Variants in AGAP1 observed in about 807,000 individuals in gnomAD.
AGAP1 encodes the protein arf-GAP with GTPase, ANK repeat and PH domain-containing protein 1.
A neutral mutation model predicts 105.3 loss-of-function variants in AGAP1; 29 were observed. That is an observed-to-expected ratio of 0.28 (90% CI 0.21 to 0.38). The LOEUF (loss-of-function observed/expected upper bound fraction) is 0.38. AGAP1 is among the 10% of genes least tolerant of loss of function. The pLI is 1.00. For missense variants in AGAP1, 998 were observed against 1,165.1 expected, an observed-to-expected ratio of 0.86 and a Z score of 2.09; for synonymous variants, 509 against 485.9, an observed-to-expected ratio of 1.05 and a Z score of -0.63.
intron 1 of AGAP1, among the ~76,000 whole-genome samples, chr2:235,677,549 T>C (rs1287165032): frequency 2.0e-5 from 3 of 152,186 alleles, no homozygotes; most frequent in Admixed American, 2.0e-4. Context: ...AGATTTCACG[T>C]GACGTTGTGT....
chr2:236,116,390 C>G (rs1000849304), intron 16 of AGAP1, among the ~76,000 whole-genome samples: 1 of 121,482 alleles, frequency 8.2e-6, no homozygotes, highest in African/African-American at 3.0e-5. Flanking sequence ...TGCTCTGTCG[C>G]CCACGCTGGA....
At position 235,906,185 on chromosome 2, in the gene AGAP1, G is replaced by A. The variant is rs545079298; in HGVS notation, c.1156-2553G>A. ...GGCCAGTCACCAGCCTCGGGTGGCC[G>A]GGCACCTCTGCTCCCGGCCTCTGGG... On this transcript the variant is annotated intron_variant, in intron 10 of 17. Coordinates refer to ENST00000304032, the MANE Select transcript of AGAP1 (RefSeq NM_001037131.3). The surrounding 1 kb of genome is among the most constrained non-coding windows in gnomAD (Gnocchi z 5.3). 1.7e-4 allele frequency among the ~76,000 whole-genome samples: 26 copies of A among 152,274 alleles called. No individual in the cohort carries two copies. Among genetic ancestry groups the A allele is most frequent in the African/African-American group, 5.5e-4 (23 of 41,574 alleles).
intron 16 of AGAP1, among the ~76,000 whole-genome samples, chr2:236,059,278 T>C (rs1000673968): frequency 6.6e-6 from 1 of 152,016 alleles, no homozygotes; most frequent in African/African-American, 2.4e-5. Context: ...TACTTAGAAA[T>C]AAATTACCTG....
rs145043789 is a variant in AGAP1 at position 235,720,648 on chromosome 2, G to C, written c.310+3004G>C. On this transcript the variant is annotated intron_variant, in intron 3 of 17. Transcript: ENST00000304032. This position sits in a 1 kb window ranked among gnomAD's most constrained non-coding sequence, Gnocchi z 5.0. ...ATTTTGCTGTGTATCTGCCTGTCCA[G>C]ATAGTTCCTTGGATTCTCCCTGCGC... The C allele has an allele frequency of 3.2e-4, 311 of 985,324 alleles. 7 individuals are homozygous for C. In the East Asian group the frequency reaches 0.02, roughly 62 times the overall value. The allele number at this position is 985,324 out of a possible 1,614,324, so 61.0% of individuals were successfully genotyped here.
In AGAP1 at chr2:235,815,199, C is replaced by A. The variant is rs117085734; in HGVS notation, c.1050+7868C>A. Among the ~76,000 whole-genome samples the A allele has an allele frequency of 2.9e-3, 439 of 152,276 alleles. 2 individuals carry two copies. Among genetic ancestry groups the A allele is most frequent in the East Asian group, 0.02 (104 of 5,170 alleles). On this transcript the variant is annotated intron_variant, in intron 9 of 17. Transcript: ENST00000304032. ...CAGCGCATGAGTCCCCAGGGCTGCC[C>A]TAATGAAATCCTGCAGCCTGGGCGG...
At position 236,000,892 on chromosome 2, in the gene AGAP1, A is replaced by G. The variant is rs10196005; in HGVS notation, c.1645+32269A>G. Among the ~76,000 whole-genome samples the G allele has an allele frequency of 0.36, 54,298 of 152,052 alleles. 10,002 individuals carry two copies. Among genetic ancestry groups the G allele is most frequent in the South Asian group, 0.48 (2,305 of 4,822 alleles). On this transcript the variant is annotated intron_variant, in intron 13 of 17. Transcript: ENST00000304032. This position sits in a 1 kb window ranked among gnomAD's most constrained non-coding sequence, Gnocchi z 4.3. ...AGAAAGGGCCTGTGTGGAAGGAACCAGGGCCAAGCGAGGGAGGCAGATGCC... is the reference window on the plus strand; with the variant it reads ...AGAAAGGGCCTGTGTGGAAGGAACCGGGGCCAAGCGAGGGAGGCAGATGCC...
Position 235,879,151 on chromosome 2 carries a change from G to GTCC in AGAP1, c.1051-4192_1051-4190dup, listed in dbSNP as rs1165980739. The stretch of plus-strand genomic sequence containing the variant: ...CAAGACACTTCCCCTGTGTAACTCA[G>GTCC]TCCTGGCTTTCAGGGAGCCATGGCT... On this transcript the variant is annotated intron_variant, in intron 9 of 17. Coordinates refer to ENST00000304032, the MANE Select transcript of AGAP1 (RefSeq NM_001037131.3). This position sits in a 1 kb window ranked among gnomAD's most constrained non-coding sequence, Gnocchi z 5.0. Among the ~76,000 whole-genome samples, 8 of 152,354 alleles carry GTCC rather than the reference G, an allele frequency of 5.3e-5. No individual in the cohort carries two copies. Among genetic ancestry groups the GTCC allele is most frequent in the Admixed American group, 1.3e-4 (2 of 15,302 alleles).
At position 235,837,236 on chromosome 2, in the gene AGAP1, C is replaced by T. The variant is rs567282427; in HGVS notation, c.1050+29905C>T. Among the ~76,000 whole-genome samples the T allele has an allele frequency of 5.9e-5, 9 of 152,282 alleles. No individual in the cohort carries two copies. The South Asian group carries it at 1.7e-3, about 28-fold the overall frequency. ...CTGACCTCAGGTGATCCGCCCACCT[C>T]GGCCTCCCAAAGTGCTGGGATTATA... On this transcript the variant is annotated intron_variant, in intron 9 of 17. Coordinates refer to ENST00000304032, the MANE Select transcript of AGAP1 (RefSeq NM_001037131.3).
intron 1 of AGAP1, among the ~76,000 whole-genome samples, chr2:235,525,913 T>C (rs1942817267): frequency 1.7e-5 from 2 of 114,604 alleles, no homozygotes; most frequent in Admixed American, 1.7e-4. Context: ...TGTGGAGGAC[T>C]GATTTATAAA....
At chr2:235,947,004 T>C (rs78548336) in intron 12 of AGAP1, among the ~76,000 whole-genome samples, 311 of 152,354 alleles carry the variant, frequency 2.0e-3, no homozygotes, top group African/African-American at 7.1e-3. Flanking sequence ...CATCTACTCC[T>C]TCCTTTCCTT....
intron 1 of AGAP1, among the ~76,000 whole-genome samples, chr2:235,521,133 A>C (rs1360077991): frequency 6.6e-6 from 1 of 152,228 alleles, no homozygotes; most frequent in East Asian, 1.9e-4. Context: ...AGCTTCCAAC[A>C]GTGTGACCAC....
At chr2:235,913,968 C>CT (rs1299219167) in intron 11 of AGAP1, among the ~76,000 whole-genome samples, 1 of 150,700 alleles carries the variant, frequency 6.6e-6, no homozygotes, top group Non-Finnish European at 1.5e-5. Flanking sequence ...CAAAGTTCAG[C>CT]ATTTTTTTTT....
intron 1 of AGAP1, among the ~76,000 whole-genome samples, chr2:235,587,737 A>G (rs2149203655): frequency 6.8e-6 from 1 of 146,812 alleles, no homozygotes; most frequent in East Asian, 2.0e-4. Context: ...TCTGGGCAAC[A>G]AGAGCAAAAC....
chr2:235,779,180 T>G (rs539218451), intron 6 of AGAP1, among the ~76,000 whole-genome samples: 15 of 152,160 alleles, frequency 9.9e-5, no homozygotes, highest in Non-Finnish European at 1.6e-4. Flanking sequence ...AGTAACTTGA[T>G]GAGGAGCAGC....
At chr2:235,558,055 C>T (rs1185201113) in intron 1 of AGAP1, among the ~76,000 whole-genome samples, 1 of 152,138 alleles carries the variant, frequency 6.6e-6, no homozygotes, top group Non-Finnish European at 1.5e-5. Context: ...GGGAAGAGTA[C>T]CAGGCACGGG....
intron 15 of AGAP1, among the ~76,000 whole-genome samples, chr2:236,048,561 A>G (rs1042326005): frequency 2.6e-5 from 4 of 152,206 alleles, no homozygotes; most frequent in Non-Finnish European, 4.4e-5. Context: ...ATTTGCAAGC[A>G]TGCCCGTTGT....
In AGAP1 at chr2:236,076,345, G is replaced by A. The variant is rs1213890178; in HGVS notation, c.2114+27064G>A. Among the ~76,000 whole-genome samples the A allele has an allele frequency of 4.6e-5, 7 of 152,126 alleles. No individual in the cohort carries two copies. The highest frequency in any genetic ancestry group is 7.4e-5 in the Non-Finnish European group (5 of 68,018). ...AGCCCATAATCCCAGCTACTTGGGA[G>A]GCTGAGGCAGAATTGCTTGAACCCT... On this transcript the variant is annotated intron_variant, in intron 16 of 17. Coordinates refer to ENST00000304032, the MANE Select transcript of AGAP1 (RefSeq NM_001037131.3). The surrounding 1 kb of genome is among the most constrained non-coding windows in gnomAD (Gnocchi z 4.4).
chr2:236,121,551 G>A lies in AGAP1; in HGVS notation c.2370+1104G>A, dbSNP rs533427760. On this transcript the variant is annotated intron_variant, in intron 17 of 17. Transcript: ENST00000304032. This position sits in a 1 kb window ranked among gnomAD's most constrained non-coding sequence, Gnocchi z 4.9. ...CCTGACCTCGTGATCCACCCGCCTC[G>A]GCCTCCCAAAGTGCTGGGAGTACAG... Among the ~76,000 whole-genome samples, 34 of 151,880 alleles carry A rather than the reference G, an allele frequency of 2.2e-4. No homozygotes were observed. In the South Asian group the frequency reaches 6.7e-3, roughly 30 times the overall value.
rs759116880 is a variant in AGAP1, at chr2:235,670,828, C to T, written c.164-38351C>T. The T allele has an allele frequency of 2.0e-5, 28 of 1,421,376 alleles. No individual in the cohort carries two copies. The South Asian group carries it at 3.2e-4, about 16-fold the overall frequency. The allele number at this position is 1,421,376 out of a possible 1,614,324, so 88.0% of individuals were successfully genotyped here. A position where few individuals can be genotyped will look rare whatever the true frequency, so the allele number is the denominator to read the frequency against. On this transcript the variant is annotated intron_variant, in intron 1 of 17. Transcript: ENST00000304032. ...AGAACCGCACGCTGGACAACAGCGA[C>T]CTGCAGCGGCTGGAGCGCGCGCGGG...
Sources: gnomAD v4.1 joint callset for allele counts (sites outside exome capture counted in the v4.1 genomes callset) on GRCh38, gnomAD v4.1.1 for gene constraint, Gnocchi (gnomAD v3.1) non-coding constraint, MANE v1.5 for transcripts, NCBI Gene and HGNC (gene_info 2026-07-23, HGNC 2026-07-21) for gene names.